Variants in CARMIL1 observed in about 807,000 individuals in gnomAD.
The protein encoded by CARMIL1 is capping protein regulator and myosin 1 linker 1, also known as F-actin-uncapping protein LRRC16A.
Under a neutral mutation model 177.1 loss-of-function variants are expected in CARMIL1, and 90 were observed. That is an observed-to-expected ratio of 0.51 (90% CI 0.43 to 0.61). The LOEUF (loss-of-function observed/expected upper bound fraction) is 0.61. CARMIL1 is among the 20% of genes least tolerant of loss of function. The pLI, the probability that CARMIL1 is intolerant of heterozygous loss-of-function variation, is 0.00. For missense variants in CARMIL1, 1,380 were observed against 1,667.0 expected (o/e 0.83, Z 3.00); for synonymous variants, 577 against 606.2 (o/e 0.95, Z 0.71).
intron 2 of CARMIL1, among the ~76,000 whole-genome samples, chr6:25,392,176 C>T (rs1581782615): frequency 6.7e-6 from 1 of 150,304 alleles, no homozygotes; most frequent in Non-Finnish European, 1.5e-5. Context: ...ATACACAAAC[C>T]GTAGATATAT....
chr6:25,576,235 A>G (rs766670657), intron 29 of CARMIL1, among the ~76,000 whole-genome samples: 1 of 152,022 alleles, frequency 6.6e-6, no homozygotes, highest in Non-Finnish European at 1.5e-5. Flanking sequence ...ATTTTTTTTT[A>G]AATCTAAGGT....
At chr6:25,362,753 G>T (rs886436944) in intron 2 of CARMIL1, among the ~76,000 whole-genome samples, 4 of 152,136 alleles carry the variant, frequency 2.6e-5, no homozygotes, top group African/African-American at 9.7e-5. Context: ...TATATAATGG[G>T]GCTGGGCACA....
intron 22 of CARMIL1, 135 bp downstream of exon 22, chr6:25,517,550 A>T (rs1806125332): frequency 1.6e-6 from 1 of 640,786 alleles, no homozygotes; most frequent in East Asian, 2.8e-5. Context: ...GTCTACAGCT[A>T]ACCAGCTATG....
At chr6:25,496,237 G>C (rs975172265) in intron 16 of CARMIL1, among the ~76,000 whole-genome samples, 1 of 152,102 alleles carries the variant, frequency 6.6e-6, no homozygotes, top group African/African-American at 2.4e-5. Context: ...CAGCACTCTG[G>C]GAGGCTGAGG....
Position 25,515,769 on chromosome 6 carries a change from T to G in CARMIL1, c.1727T>G (p.Val576Gly), listed in dbSNP as rs1805927816. Residue 576 changes from valine to glycine, a missense_variant, in exon 21 of 37, where the codon GTG (valine) becomes GGG (glycine). Transcript: ENST00000329474. The surrounding 1 kb of genome is among the most constrained non-coding windows in gnomAD (Gnocchi z 5.0). ...GGAAGCAACACCTCCCTGACCAAAGTGGACATTAGCGGCAACGGAATGGGG... is the reference window on the plus strand; with the variant it reads ...GGAAGCAACACCTCCCTGACCAAAGGGGACATTAGCGGCAACGGAATGGGG... ...ALGSNTSLTK[V>G]DISGNGMGDM... 6.2e-7 allele frequency: 1 copy of G among 1,612,012 alleles called. No homozygotes were observed. Among genetic ancestry groups the G allele is most frequent in the South Asian group, 1.1e-5 (1 of 90,344 alleles).
At chr6:25,612,768 T>C (rs1245538285) in intron 36 of CARMIL1, 2 of 985,252 alleles carry the variant, frequency 2.0e-6, no homozygotes, top group Non-Finnish European at 2.4e-6. Flanking sequence ...ACAAAAGACA[T>C]TCAGATCATG....
chr6:25,531,272 T>G (rs1328300538), intron 24 of CARMIL1, among the ~76,000 whole-genome samples: 1 of 152,192 alleles, frequency 6.6e-6, no homozygotes, highest in African/African-American at 2.4e-5. Context: ...CCATGTTGAA[T>G]GGTTTGCATT....
chr6:25,503,491 A>G (rs1804612975), intron 17 of CARMIL1, among the ~76,000 whole-genome samples: 1 of 152,224 alleles, frequency 6.6e-6, no homozygotes. Flanking sequence ...AATATAATTC[A>G]TGCTGGAATG....
chr6:25,510,808 C>A, intron 20 of CARMIL1, 46 bp downstream of exon 20: 1 of 1,132,490 alleles, frequency 8.8e-7, no homozygotes, highest in South Asian at 1.4e-5. Context: ...TGTTTGTTGC[C>A]ATTCTTACTG....
In CARMIL1 at chr6:25,346,576, A is replaced by G. The variant is rs576831759; in HGVS notation, c.138+61667A>G. On this transcript the variant is annotated intron_variant, in intron 2 of 36. Transcript: ENST00000329474. Reference sequence around the variant, plus strand: ...AATAGAGTATATGTTTTGTTGATTTATCTTATTCCTTGTCTCTTTTCTCTC... The same window carrying G: ...AATAGAGTATATGTTTTGTTGATTTGTCTTATTCCTTGTCTCTTTTCTCTC... 2.6e-5 allele frequency among the ~76,000 whole-genome samples: 4 copies of G among 152,276 alleles called. No homozygotes were observed. In the South Asian group the frequency reaches 6.2e-4, roughly 24 times the overall value.
chr6:25,483,880 G>A (rs990970571), intron 12 of CARMIL1, among the ~76,000 whole-genome samples: 5 of 151,898 alleles, frequency 3.3e-5, no homozygotes, highest in African/African-American at 7.3e-5. Flanking sequence ...CGATCCTCCC[G>A]CCTCAGCCCC....
chr6:25,571,806 T>C (rs1812089234), intron 29 of CARMIL1, among the ~76,000 whole-genome samples: 1 of 152,100 alleles, frequency 6.6e-6, no homozygotes, highest in African/African-American at 2.4e-5. Flanking sequence ...AAATATAGCA[T>C]GTGAGGCAGT....
At chr6:25,470,261 T>C (rs1267218083) in intron 9 of CARMIL1, among the ~76,000 whole-genome samples, 1 of 152,216 alleles carries the variant, frequency 6.6e-6, no homozygotes, top group Non-Finnish European at 1.5e-5. Flanking sequence ...TCCTATTAAG[T>C]TTATGACATC....
Position 25,369,597 on chromosome 6 carries a change from C to T in CARMIL1, c.139-50517C>T, listed in dbSNP as rs973314191. Among the ~76,000 whole-genome samples, 3 of 152,020 alleles carry T rather than the reference C, an allele frequency of 2.0e-5. No individual in the cohort carries two copies. The South Asian group carries it at 6.2e-4, about 32-fold the overall frequency. ...TGCTATGTATCGAGGTGGCAAATTC[C>T]CAAGTAAACTGCTGACTTTCCTCCC... On this transcript the variant is annotated intron_variant, in intron 2 of 36. Transcript: ENST00000329474.
intron 11 of CARMIL1, among the ~76,000 whole-genome samples, chr6:25,474,836 C>T (rs911338939): frequency 5.3e-5 from 8 of 152,042 alleles, no homozygotes; most frequent in South Asian, 2.1e-4. Context: ...TCATATTTAT[C>T]GACAGACAAG....
In CARMIL1 at chr6:25,532,568, C is replaced by T. The variant is rs974321420; in HGVS notation, c.2067+3675C>T. ...AACCTGAATATAGAAAGGATAGACC[C>T]TCTGTGACTAATGCCCTTGCCAACT... On this transcript the variant is annotated intron_variant, in intron 24 of 36. Coordinates refer to ENST00000329474, the MANE Select transcript of CARMIL1 (RefSeq NM_017640.6). Among the ~76,000 whole-genome samples the T allele has an allele frequency of 3.3e-5, 5 of 152,166 alleles. No individual in the cohort carries two copies. The South Asian group carries it at 8.3e-4, about 25-fold the overall frequency.
At chr6:25,480,729 C>CTTTTTTTTTTT (rs1309021528) in intron 11 of CARMIL1, among the ~76,000 whole-genome samples, 1 of 112,732 alleles carries the variant, frequency 8.9e-6, no homozygotes. Flanking sequence ...TATTTGTTTC[C>CTTTTTTTTTTT]TTTTTTTTTT....
intron 2 of CARMIL1, among the ~76,000 whole-genome samples, chr6:25,400,901 G>T (rs2150579090): frequency 6.6e-6 from 1 of 152,106 alleles, no homozygotes; most frequent in Non-Finnish European, 1.5e-5. Flanking sequence ...ATTCAGACTT[G>T]CCCAGACTCA....
intron 35 of CARMIL1, among the ~76,000 whole-genome samples, chr6:25,608,838 C>A (rs1211546599): frequency 6.6e-6 from 1 of 152,152 alleles, no homozygotes; most frequent in African/African-American, 2.4e-5. Context: ...CAGACACTCA[C>A]ACGCCAACTT....
Sources: gnomAD v4.1 joint callset for allele counts (sites outside exome capture counted in the v4.1 genomes callset) on GRCh38, gnomAD v4.1.1 for gene constraint, Gnocchi (gnomAD v3.1) non-coding constraint, MANE v1.5 for transcripts, NCBI Gene and HGNC (gene_info 2026-07-23, HGNC 2026-07-21) for gene names.